Variants in FAM118A observed in about 807,000 individuals in gnomAD.
FAM118A encodes protein FAM118A.
A neutral mutation model predicts 38.2 loss-of-function variants in FAM118A; 25 were observed. The observed-to-expected ratio is 0.65, with a 90% CI of 0.48 to 0.91. The LOEUF (loss-of-function observed/expected upper bound fraction) is 0.91, where lower values mean the gene tolerates loss of function less well. FAM118A is among the 40% of genes least tolerant of loss of function. The probability of loss-of-function intolerance (pLI) is 0.00; values close to 1 mark genes in which losing one functional copy is unlikely to be tolerated. For synonymous variants in FAM118A, 178 were observed against 184.1 expected (o/e 0.97, Z 0.27); for missense variants, 425 against 463.3 (o/e 0.92, Z 0.76).
chr22:45,330,474 A>C, intron 4 of FAM118A, 129 bp from the exon 5 acceptor site: 1 of 1,073,714 alleles, frequency 9.3e-7, no homozygotes, highest in Non-Finnish European at 1.3e-6. Flanking sequence ...ATAAGTGTAA[A>C]GTGAAGCATC....
At chr22:45,339,468 G>T (rs1038525862) in intron 8 of FAM118A, among the ~76,000 whole-genome samples, 3 of 152,198 alleles carry the variant, frequency 2.0e-5, no homozygotes, top group Non-Finnish European at 4.4e-5. Flanking sequence ...ATGTTTTAGA[G>T]AATTCGATTT....
intron 6 of FAM118A, among the ~76,000 whole-genome samples, chr22:45,333,684 A>T (rs2085886173): frequency 6.6e-6 from 1 of 151,036 alleles, no homozygotes; most frequent in South Asian, 2.1e-4. Context: ...CAAAAAAAAA[A>T]AAAAAAAAGA....
In FAM118A at chr22:45,323,198, G is replaced by A. The variant is rs770057741; in HGVS notation, c.71G>A (p.Arg24Gln). ...KSRKFLKSLI[R>Q]KQPQELLLVI... ...AGAAAGTTTTTAAAAAGCCTCATCC[G>A]GAAACAGCCCCAGGAACTGCTCCTG... The change falls in exon 3 of 9, where the codon CGG becomes CAG. Residue 24 changes from arginine to glutamine, a missense_variant. Transcript: ENST00000441876. 2.6e-5 allele frequency: 42 copies of A among 1,611,704 alleles called. No homozygotes were observed. The highest frequency in any genetic ancestry group is 3.1e-5 in the Non-Finnish European group (36 of 1,178,000).
chr22:45,332,104 G>C (rs550124288), intron 5 of FAM118A, among the ~76,000 whole-genome samples: 1 of 152,238 alleles, frequency 6.6e-6, no homozygotes, highest in African/African-American at 2.4e-5. Context: ...TGGTGAGTGT[G>C]TGGGGTGGGC....
intron 3 of FAM118A, among the ~76,000 whole-genome samples, chr22:45,326,140 C>T (rs1485414227): frequency 3.9e-5 from 6 of 152,146 alleles, no homozygotes; most frequent in Non-Finnish European, 7.4e-5. Context: ...GGCTGGGAGC[C>T]GGGCAGAGGG....
chr22:45,320,307 C>T (rs1055822934), intron 1 of FAM118A, among the ~76,000 whole-genome samples: 13 of 151,358 alleles, frequency 8.6e-5, no homozygotes, highest in Admixed American at 1.3e-4. Context: ...ATGAAAAATA[C>T]AAAAATTAGC....
Position 45,340,843 on chromosome 22 carries a change from C to G in FAM118A, c.*438C>G, listed in dbSNP as rs1364061833. The G allele has an allele frequency of 1.1e-5, 2 of 178,168 alleles. No homozygotes were observed. The highest frequency in any genetic ancestry group is 2.4e-5 in the Non-Finnish European group (2 of 84,110). The allele number at this position is 178,168 out of a possible 1,614,324, so 11.0% of individuals were successfully genotyped here. A position where few individuals can be genotyped will look rare whatever the true frequency, so the allele number is the denominator to read the frequency against. Reference sequence around the variant, plus strand: ...TTGAGTCAGAGTCTCACTCTGTCACCCAGGACAGAGTGCAGTGGTACGATC... The same window carrying G: ...TTGAGTCAGAGTCTCACTCTGTCACGCAGGACAGAGTGCAGTGGTACGATC... On this transcript the variant is annotated 3_prime_UTR_variant, in exon 9 of 9. Transcript: ENST00000441876.
chr22:45,330,847 G>A (rs1018713050), intron 5 of FAM118A, 116 bp downstream of exon 5: 10 of 1,199,890 alleles, frequency 8.3e-6, no homozygotes, highest in East Asian at 6.1e-5. Flanking sequence ...CCTTCAGGTC[G>A]GCCCTGCACA....
chr22:45,314,898 A>G (rs2084537621), intron 1 of FAM118A, among the ~76,000 whole-genome samples: 1 of 152,252 alleles, frequency 6.6e-6, no homozygotes, highest in African/African-American at 2.4e-5. Flanking sequence ...GATGTTAGGA[A>G]GAAAGGCGCA....
upstream of FAM118A, chr22:45,309,694 C>A (rs756184080): frequency 6.6e-6 from 1 of 152,292 alleles, no homozygotes; most frequent in South Asian, 2.1e-4. Flanking sequence ...CTCCCCAGCG[C>A]AAGCCCTCCC....
At chr22:45,311,941 CTG>C (rs141532634) in intron 1 of FAM118A, among the ~76,000 whole-genome samples, 3 of 152,084 alleles carry the variant, frequency 2.0e-5, no homozygotes, top group Admixed American at 6.5e-5. Context: ...TTCATGGTGA[CTG>C]TGTGTGTGTG....
intron 3 of FAM118A, among the ~76,000 whole-genome samples, chr22:45,326,126 A>G (rs968410870): frequency 3.3e-5 from 5 of 152,126 alleles, no homozygotes; most frequent in African/African-American, 1.2e-4. Flanking sequence ...GAGGGTGACA[A>G]TGAGGCTGGG....
chr22:45,328,682 C>A, intron 4 of FAM118A: 1 of 566,082 alleles, frequency 1.8e-6, no homozygotes, highest in Non-Finnish European at 3.2e-6. Context: ...ACTTGGGAGG[C>A]TGAGGCAGGA....
chr22:45,322,020 T>C, intron 1 of FAM118A: 1 of 378,032 alleles, frequency 2.6e-6, no homozygotes, highest in East Asian at 7.2e-5. Flanking sequence ...TCTGTGTTCA[T>C]GTGCACTGGA....
At chr22:45,331,714 G>A (rs956996090) in intron 5 of FAM118A, among the ~76,000 whole-genome samples, 7 of 152,200 alleles carry the variant, frequency 4.6e-5, no homozygotes, top group Non-Finnish European at 8.8e-5. Context: ...ATGAGTGACT[G>A]GGCAGATGCT....
At position 45,311,344 on chromosome 22, in the gene FAM118A, G is replaced by A. The variant is rs73890279; in HGVS notation, c.-10+1161G>A. Reference sequence around the variant, plus strand: ...CGTGGGAGTGAATGCTAACTGCGGAGAACCCAGCTTTGCTCCCGGAGGCCC... The same window carrying A: ...CGTGGGAGTGAATGCTAACTGCGGAAAACCCAGCTTTGCTCCCGGAGGCCC... On this transcript the variant is annotated intron_variant, in intron 1 of 8. Transcript: ENST00000441876. 9.4e-3 allele frequency among the ~76,000 whole-genome samples: 1,428 copies of A among 152,316 alleles called. 23 individuals are homozygous for A. Among genetic ancestry groups the A allele is most frequent in the African/African-American group, 0.032 (1,330 of 41,550 alleles).
chr22:45,332,577 A>C lies in FAM118A; in HGVS notation c.804A>C (p.Glu268Asp). Residue 268 changes from glutamate (E) to aspartate (D), a missense_variant, in exon 6 of 9, where the codon GAA (glutamate) becomes GAC (aspartate). By Grantham distance (45) the Glu-to-Asp change is conservative. Coordinates refer to ENST00000441876, the MANE Select transcript of FAM118A (RefSeq NM_017911.4). ...ACATGCTTGTGCTGAAGGAGAATGA[A>C]GACCATTTCTTTAAGCATCAGGCAG... ...EHYMLVLKEN[E>D]DHFFKHQADM... 6.2e-7 allele frequency: 1 copy of C among 1,614,160 alleles called. No homozygotes were observed. The highest frequency in any genetic ancestry group is 8.5e-7 in the Non-Finnish European group (1 of 1,180,026).
chr22:45,316,537 G>A (rs2084613577), intron 1 of FAM118A, among the ~76,000 whole-genome samples: 1 of 152,194 alleles, frequency 6.6e-6, no homozygotes, highest in Non-Finnish European at 1.5e-5. Context: ...GGAAGGGCTT[G>A]CTTGAAGGCT....
chr22:45,312,400 C>T (rs181304470), intron 1 of FAM118A, among the ~76,000 whole-genome samples: 4 of 152,150 alleles, frequency 2.6e-5, no homozygotes, highest in Admixed American at 6.5e-5. Context: ...TTGCCAGTCG[C>T]GGTGGCTCAC....
Sources: allele counts gnomAD v4.1 joint callset (sites outside exome capture counted in the v4.1 genomes callset), GRCh38; gene constraint gnomAD v4.1.1; transcripts MANE v1.5; gene names NCBI Gene and HGNC (gene_info 2026-07-23, HGNC 2026-07-21).